The following SPR variants were observed in gnomAD, a reference collection of about 807,000 sequenced individuals.
The protein encoded by SPR is Sepiapterin reductase (L-erythro-7,8-dihydrobiopterin forming).
In SPR, 12 loss-of-function variants were observed where a neutral mutation model predicts 16.0. That is an observed-to-expected ratio of 0.75 (90% CI 0.48 to 1.22). The LOEUF (loss-of-function observed/expected upper bound fraction) is 1.22, where lower values mean the gene tolerates loss of function less well. Among genes scored for constraint, SPR ranks in the 50% most tolerant of loss-of-function variants. SPR has a pLI of 0.00. For synonymous variants in SPR, 177 were observed against 168.5 expected (o/e 1.05, Z -0.39); for missense variants, 324 against 344.4 (o/e 0.94, Z 0.47).
chr2:72,889,559 C>T (rs575870478), intron 2 of SPR, among the ~76,000 whole-genome samples: 1 of 145,606 alleles, frequency 6.9e-6, no homozygotes, highest in East Asian at 2.2e-4. Context: ...CCAGCCCCTA[C>T]CACCCCTGCC....
rs61518691 is a variant in SPR at position 72,891,969 on chromosome 2, G to A, written c.*432G>A. On this transcript the variant is annotated 3_prime_UTR_variant, in exon 3 of 3. Coordinates refer to ENST00000234454, the MANE Select transcript of SPR (RefSeq NM_003124.5). ...GGCCTGGATGGGAGGAAGGGCAGAC[G>A]GTACATGTCCCAGCCCACATAGATG... The A allele has an allele frequency of 4.9e-3, 1,131 of 229,720 alleles. 13 individuals carry two copies. The highest frequency in any genetic ancestry group is 0.023 in the African/African-American group (1,055 of 45,250). The allele number at this position is 229,720 out of a possible 1,614,324, so 14.2% of individuals were successfully genotyped here. A position where few individuals can be genotyped will look rare whatever the true frequency, so the allele number is the denominator to read the frequency against.
chr2:72,887,588 C>A lies in SPR; in HGVS notation c.156C>A (p.Ala52=). ...RNDEALRQLE[A]ELGAERSGLR... Reference sequence around the variant, plus strand: ...ACGAGGCACTGCGCCAGCTGGAGGCCGAGCTGGGCGCCGAGCGGTCTGGCC... The same window carrying A: ...ACGAGGCACTGCGCCAGCTGGAGGCAGAGCTGGGCGCCGAGCGGTCTGGCC... The change falls in exon 1 of 3, where the codon GCC becomes GCA. Residue 52 remains alanine (A), a synonymous_variant. Transcript: ENST00000234454. The A allele has an allele frequency of 7.1e-7, 1 of 1,406,728 alleles. No individual in the cohort carries two copies. Among genetic ancestry groups the A allele is most frequent in the Non-Finnish European group, 9.2e-7 (1 of 1,090,370 alleles). 87.1% of individuals were successfully genotyped at this position (1,406,728 alleles called of 1,614,324 possible).
rs1339152435 is a variant in SPR at position 72,891,539 on chromosome 2, C to G, written c.*2C>G. On this transcript the variant is annotated 3_prime_UTR_variant, in exon 3 of 3. Transcript: ENST00000234454. Reference sequence around the variant, plus strand: ...CACGTGGACTTCTATGACAAATAAGCCCATGTTTTTGGCTTCCTGAACCTT... The same window carrying G: ...CACGTGGACTTCTATGACAAATAAGGCCATGTTTTTGGCTTCCTGAACCTT... 6.2e-7 allele frequency: 1 copy of G among 1,614,218 alleles called. No individual in the cohort carries two copies. Among genetic ancestry groups the G allele is most frequent in the Non-Finnish European group, 8.5e-7 (1 of 1,180,042 alleles).
intron 2 of SPR, among the ~76,000 whole-genome samples, chr2:72,889,610 A>C (rs1279425230): frequency 6.9e-6 from 1 of 144,450 alleles, no homozygotes; most frequent in Non-Finnish European, 1.5e-5. Flanking sequence ...ACCAACATTC[A>C]ACTCATCATC....
At position 72,891,656 on chromosome 2, in the gene SPR, G is replaced by A. The variant is rs1270463787; in HGVS notation, c.*119G>A. ...CTGCCTTACACATAGAAGCATTCAT[G>A]CCTGCTGCCCTGCCCTCAGGCACAG... On this transcript the variant is annotated 3_prime_UTR_variant, in exon 3 of 3. Transcript: ENST00000234454. 2 of 1,216,750 alleles carry A rather than the reference G, an allele frequency of 1.6e-6. No individual in the cohort carries two copies. The highest frequency in any genetic ancestry group is 2.0e-5 in the Admixed American group (1 of 51,008). 75.4% of individuals were successfully genotyped at this position (1,216,750 alleles called of 1,614,324 possible).
Position 72,891,391 on chromosome 2 carries a change from G to T in SPR, c.640G>T (p.Val214Leu). ...GCAGCAGTTGGCCCGGGAGACCTCC[G>T]TGGACCCAGACATGCGAAAAGGGCT... Reference protein sequence around the residue: ...DMQQLARETSVDPDMRKGLQE... With the variant: ...DMQQLARETSLDPDMRKGLQE... The change falls in exon 3 of 3, where the codon GTG (valine) becomes TTG (leucine). Residue 214 changes from valine to leucine, a missense_variant. Physicochemically the swap from Val to Leu is conservative, Grantham distance 32. Coordinates refer to ENST00000234454, the MANE Select transcript of SPR (RefSeq NM_003124.5). 1 of 1,614,170 alleles carries T rather than the reference G, an allele frequency of 6.2e-7. No homozygotes were observed. The highest frequency in any genetic ancestry group is 8.5e-7 in the Non-Finnish European group (1 of 1,180,040).
At position 72,888,658 on chromosome 2, in the gene SPR, G is replaced by A. The variant is rs1440052928; in HGVS notation, c.595+54G>A. On this transcript the variant is annotated intron_variant, in intron 2 of 2. Transcript: ENST00000234454. Reference sequence around the variant, plus strand: ...CTCCAGAACCCACTGGTGCGCCTCTGGGGGCTGGGCAAGCGGCCTAGTCCG... The same window carrying A: ...CTCCAGAACCCACTGGTGCGCCTCTAGGGGCTGGGCAAGCGGCCTAGTCCG... The A allele has an allele frequency of 3.3e-6, 5 of 1,532,304 alleles. No homozygotes were observed. In the African/African-American group the frequency reaches 6.9e-5, roughly 21 times the overall value. The allele number at this position is 1,532,304 out of a possible 1,614,324, so 94.9% of individuals were successfully genotyped here. A position where few individuals can be genotyped will look rare whatever the true frequency, so the allele number is the denominator to read the frequency against.
At position 72,891,968 on chromosome 2, in the gene SPR, C is replaced by T. The variant is rs780425714; in HGVS notation, c.*431C>T. ...TGGCCTGGATGGGAGGAAGGGCAGA[C>T]GGTACATGTCCCAGCCCACATAGAT... On this transcript the variant is annotated 3_prime_UTR_variant, in exon 3 of 3. Coordinates refer to ENST00000234454, the MANE Select transcript of SPR (RefSeq NM_003124.5). 68 of 228,478 alleles carry T rather than the reference C, an allele frequency of 3.0e-4. 1 individual carries two copies. The highest frequency in any genetic ancestry group is 9.4e-4 in the Admixed American group (19 of 20,172). The allele number at this position is 228,478 out of a possible 1,614,324, so 14.2% of individuals were successfully genotyped here.
intron 2 of SPR, 143 bp from the exon 3 acceptor site, chr2:72,891,204 C>A (rs1389977200): frequency 3.4e-6 from 3 of 884,368 alleles, no homozygotes; most frequent in African/African-American, 3.3e-5. Flanking sequence ...CCTTTGGCAA[C>A]CCTGACCACA....
chr2:72,888,704 A>G (rs1670579364), intron 2 of SPR, 100 bp downstream of exon 2: 1 of 1,325,220 alleles, frequency 7.5e-7, no homozygotes, highest in African/African-American at 1.5e-5. Context: ...GAAACAACCC[A>G]CAGGATTTTG....
rs1670620545 is a variant in SPR at position 72,891,408 on chromosome 2, A to T, written c.657A>T (p.Arg219=). 1 of 1,614,086 alleles carries T rather than the reference A, an allele frequency of 6.2e-7. No individual in the cohort carries two copies. Among genetic ancestry groups the T allele is most frequent in the Non-Finnish European group, 8.5e-7 (1 of 1,180,042 alleles). Residue 219 remains arginine, a synonymous_variant, in exon 3 of 3, where the codon CGA becomes CGT. Transcript: ENST00000234454. ...AGACCTCCGTGGACCCAGACATGCG[A>T]AAAGGGCTGCAGGAGCTGAAGGCAA... The part of the protein sequence containing the change: ...ARETSVDPDM[R]KGLQELKAKG...
At chr2:72,889,489 A>C (rs1472837151) in intron 2 of SPR, among the ~76,000 whole-genome samples, 1 of 152,198 alleles carries the variant, frequency 6.6e-6, no homozygotes, top group Non-Finnish European at 1.5e-5. Context: ...CACAAAGCAC[A>C]GATGTGGCAG....
At chr2:72,888,729 C>T in intron 2 of SPR, 125 bp downstream of exon 2, 1 of 1,078,584 alleles carries the variant, frequency 9.3e-7, no homozygotes, top group Non-Finnish European at 1.3e-6. Context: ...TGAATCTTGA[C>T]CCATCACCCC....
rs1375380974 is a variant in SPR, at chr2:72,887,605, G to A, written c.173G>A (p.Arg58Gln). 1.1e-5 allele frequency: 15 copies of A among 1,420,904 alleles called. No homozygotes were observed. In the South Asian group the frequency reaches 2.0e-4, roughly 19 times the overall value. 88.0% of individuals were successfully genotyped at this position (1,420,904 alleles called of 1,614,324 possible). The change falls in exon 1 of 3, where the codon CGG (arginine) becomes CAG (glutamine). Residue 58 changes from arginine to glutamine, a missense_variant. Transcript: ENST00000234454. ...CTGGAGGCCGAGCTGGGCGCCGAGC[G>A]GTCTGGCCTGCGCGTGGTGCGGGTG... ...RQLEAELGAERSGLRVVRVPA... is the reference protein window; with the variant it reads ...RQLEAELGAEQSGLRVVRVPA...
At chr2:72,891,200 G>A in intron 2 of SPR, 147 bp from the exon 3 acceptor site, 1 of 846,286 alleles carries the variant, frequency 1.2e-6, no homozygotes, top group South Asian at 1.5e-5. Flanking sequence ...GGAGCCTTTG[G>A]CAACCCTGAC....
At chr2:72,890,949 T>C (rs996797229) in intron 2 of SPR, among the ~76,000 whole-genome samples, 3 of 152,098 alleles carry the variant, frequency 2.0e-5, no homozygotes. Context: ...TGTCGGGATG[T>C]GTAGATGCTG....
chr2:72,887,851 T>C, intron 1 of SPR, 115 bp downstream of exon 1: 1 of 1,162,466 alleles, frequency 8.6e-7, no homozygotes, highest in Non-Finnish European at 1.1e-6. Flanking sequence ...TCTAAAGCCC[T>C]AGTTGTTCCA....
At chr2:72,888,844 G>A (rs1233937106) in intron 2 of SPR, among the ~76,000 whole-genome samples, 2 of 152,196 alleles carry the variant, frequency 1.3e-5, no homozygotes, top group African/African-American at 4.8e-5. Context: ...GAAGGTCTGA[G>A]GTATTAGATG....
chr2:72,888,287 A>T (rs1436937122), intron 1 of SPR, 27 bp from the exon 2 acceptor site: 1 of 1,613,328 alleles, frequency 6.2e-7, no homozygotes, highest in Non-Finnish European at 8.5e-7. Flanking sequence ...GCCTGCACTG[A>T]GTTACTCCTA....
Sources: allele counts gnomAD v4.1 joint callset (sites outside exome capture counted in the v4.1 genomes callset), GRCh38; gene constraint gnomAD v4.1.1; transcripts MANE v1.5; gene names NCBI Gene and HGNC (gene_info 2026-07-23, HGNC 2026-07-21).